DOP1B: variants seen among roughly 807,000 people sequenced by gnomAD.
The protein encoded by DOP1B is DOP1 leucine zipper like protein B, also known as protein DOP1B.
A neutral mutation model predicts 233.5 loss-of-function variants in DOP1B; 174 were observed. The ratio of observed to expected loss-of-function variants is 0.75; its 90% CI spans 0.66 to 0.85. DOP1B has a LOEUF of 0.85. Among genes scored for constraint, DOP1B ranks in the 40% least tolerant of loss-of-function variants. The pLI is 0.00. For synonymous variants in DOP1B, 1,190 were observed against 1,185.6 expected (o/e 1.00, Z -0.08); for missense variants, 2,652 against 2,846.6 (o/e 0.93, Z 1.56).
intron 23 of DOP1B, among the ~76,000 whole-genome samples, chr21:36,257,569 A>G (rs938736312): frequency 2.0e-5 from 3 of 152,192 alleles, no homozygotes; most frequent in African/African-American, 2.4e-5. Flanking sequence ...ACAAACACGT[A>G]AAAACATAGG....
At chr21:36,274,544 C>A (rs1380903674) in intron 27 of DOP1B, among the ~76,000 whole-genome samples, 1 of 152,060 alleles carries the variant, frequency 6.6e-6, no homozygotes, top group Non-Finnish European at 1.5e-5. Flanking sequence ...GGTGGGTGAA[C>A]CAAGAGAGCA....
intron 12 of DOP1B, among the ~76,000 whole-genome samples, chr21:36,226,785 G>C (rs1407167508): frequency 6.6e-6 from 1 of 151,970 alleles, no homozygotes; most frequent in East Asian, 1.9e-4. Context: ...GTAGAGATGG[G>C]GTCTCACTGT....
intron 2 of DOP1B, among the ~76,000 whole-genome samples, chr21:36,173,946 G>A (rs1332602326): frequency 6.6e-6 from 1 of 151,458 alleles, no homozygotes; most frequent in Non-Finnish European, 1.5e-5. Flanking sequence ...TTTATCTGAT[G>A]ACACACTACG....
chr21:36,214,473 T>C lies in DOP1B; in HGVS notation c.1046T>C (p.Ile349Thr). The change falls in exon 9 of 37, where the codon ATA (isoleucine) becomes ACA (threonine). Residue 349 changes from isoleucine (I) to threonine (T), a missense_variant. Ile to Thr is a moderately conservative substitution (Grantham distance 89). Transcript: ENST00000691173. Reference protein sequence around the residue: ...GLAEILHQKFIDADVEERHHA... With the variant: ...GLAEILHQKFTDADVEERHHA... The stretch of plus-strand genomic sequence containing the variant: ...GCTGAGATATTGCATCAGAAGTTCA[T>C]AGATGCTGACGTGGAGGAACGCCAT... 6.2e-7 allele frequency: 1 copy of C among 1,613,642 alleles called. No homozygotes were observed. The highest frequency in any genetic ancestry group is 8.5e-7 in the Non-Finnish European group (1 of 1,179,936).
At chr21:36,263,296 A>G (rs899200296) in intron 24 of DOP1B, among the ~76,000 whole-genome samples, 2 of 149,432 alleles carry the variant, frequency 1.3e-5, no homozygotes, top group African/African-American at 4.9e-5. Context: ...TAAGGCTTTT[A>G]TTTTAGAGAC....
intron 26 of DOP1B, among the ~76,000 whole-genome samples, chr21:36,267,125 C>G (rs1382924908): frequency 1.3e-5 from 2 of 152,204 alleles, no homozygotes; most frequent in Admixed American, 6.5e-5. Context: ...GGATTATAGC[C>G]ACTCGTAGCT....
intron 12 of DOP1B, among the ~76,000 whole-genome samples, chr21:36,227,347 A>G (rs568529643): frequency 2.2e-4 from 34 of 152,022 alleles, no homozygotes; most frequent in South Asian, 8.3e-4. Context: ...GGAGATCGAG[A>G]CCATCCTGGC....
intron 35 of DOP1B, among the ~76,000 whole-genome samples, chr21:36,290,842 C>T (rs536916257): frequency 3.2e-4 from 48 of 150,312 alleles, no homozygotes; most frequent in Non-Finnish European, 6.4e-4. Context: ...TGGTGGTGGG[C>T]GCCTGTAATC....
rs200190938 is a variant in DOP1B, at chr21:36,292,185, C to G, written c.6597C>G (p.Cys2199Trp). The change falls in exon 36 of 37, where the codon TGC becomes TGG. Residue 2199 changes from cysteine to tryptophan, a missense_variant. By Grantham distance (215) the Cys-to-Trp change is radical. Coordinates refer to ENST00000691173, the MANE Select transcript of DOP1B (RefSeq NM_001320714.2). ...ATGTAGAGGAGAATCACCAAGAATG[C>G]AAACCCCACACTGTCAGGATTCTAG... ...LSDVEENHQE[C>W]KPHTVRILEL... The G allele has an allele frequency of 3.7e-6, 6 of 1,612,144 alleles. No individual in the cohort carries two copies. The highest frequency in any genetic ancestry group is 5.1e-6 in the Non-Finnish European group (6 of 1,179,214).
chr21:36,210,339 C>T (rs1480222187), intron 5 of DOP1B, among the ~76,000 whole-genome samples: 1 of 151,792 alleles, frequency 6.6e-6, no homozygotes, highest in African/African-American at 2.4e-5. Context: ...TGAAACCCCA[C>T]GTTTATTAAA....
At chr21:36,273,075 C>T (rs1348113950) in intron 27 of DOP1B, among the ~76,000 whole-genome samples, 2 of 150,998 alleles carry the variant, frequency 1.3e-5, no homozygotes, top group African/African-American at 4.9e-5. Flanking sequence ...GCACTCCAGC[C>T]TGGGCGACAG....
At chr21:36,288,641 AC>A (rs2067516739) in intron 33 of DOP1B, 114 bp from the exon 34 acceptor site, 1 of 785,036 alleles carries the variant, frequency 1.3e-6, no homozygotes, top group African/African-American at 1.7e-5. Flanking sequence ...ACAGAGTAAG[AC>A]CCCGTCTTAT....
chr21:36,287,983 G>C (rs746770640), intron 32 of DOP1B, 31 bp from the exon 33 acceptor site: 2 of 1,604,426 alleles, frequency 1.2e-6, no homozygotes, highest in South Asian at 2.3e-5. Context: ...CTGCATATTT[G>C]TGTAACATCT....
intron 2 of DOP1B, among the ~76,000 whole-genome samples, chr21:36,177,079 C>T (rs1011530891): frequency 6.6e-6 from 1 of 152,218 alleles, no homozygotes; most frequent in African/African-American, 2.4e-5. Flanking sequence ...TCCCAAAGTG[C>T]TGGGATTACA....
chr21:36,214,212 G>T, intron 8 of DOP1B, 22 bp downstream of exon 8: 1 of 1,580,404 alleles, frequency 6.3e-7, no homozygotes, highest in Non-Finnish European at 8.7e-7. Flanking sequence ...TTTCCGGAAA[G>T]TTCAGGGTAT....
intron 4 of DOP1B, 118 bp downstream of exon 4, chr21:36,200,619 G>T: frequency 8.0e-7 from 1 of 1,244,482 alleles, no homozygotes; most frequent in Non-Finnish European, 1.1e-6. Context: ...CAAGGTGGGT[G>T]GATCACAAGG....
intron 18 of DOP1B, among the ~76,000 whole-genome samples, chr21:36,244,019 CTTTTTTTTTT>C (rs35020490): frequency 1.3e-4 from 9 of 70,604 alleles, no homozygotes; most frequent in African/African-American, 4.9e-4. Context: ...TTTTCCTTTC[CTTTTTTTTTT>C]TTTTTTTTTT....
intron 32 of DOP1B, among the ~76,000 whole-genome samples, chr21:36,285,531 G>A (rs1333449824): frequency 2.0e-5 from 3 of 152,116 alleles, no homozygotes; most frequent in Non-Finnish European, 4.4e-5. Context: ...CAGGATGCTC[G>A]TGGATAGGCC....
chr21:36,250,024 C>T (rs966103635), intron 21 of DOP1B, among the ~76,000 whole-genome samples: 1 of 152,126 alleles, frequency 6.6e-6, no homozygotes, highest in African/African-American at 2.4e-5. Context: ...CCTCCATTTC[C>T]TCGTCTGTTA....
Sources: gnomAD v4.1 joint callset for allele counts (sites outside exome capture counted in the v4.1 genomes callset) on GRCh38, gnomAD v4.1.1 for gene constraint, MANE v1.5 for transcripts, NCBI Gene and HGNC (gene_info 2026-07-23, HGNC 2026-07-21) for gene names.